Variants in AP2A1 observed in about 807,000 individuals in gnomAD.
The protein encoded by AP2A1 is adaptor related protein complex 2 subunit alpha 1.
Under a neutral mutation model 107.3 loss-of-function variants are expected in AP2A1, and 21 were observed. That is an observed-to-expected ratio of 0.20 (90% CI 0.14 to 0.28). The LOEUF (loss-of-function observed/expected upper bound fraction) is 0.28, where lower values mean the gene tolerates loss of function less well. AP2A1 is among the 10% of genes least tolerant of loss of function. AP2A1 has a pLI of 1.00. For synonymous variants in AP2A1, 602 were observed against 564.8 expected (o/e 1.07, Z -0.93); for missense variants, 873 against 1,307.7 (o/e 0.67, Z 5.13).
intron 15 of AP2A1, chr19:49,802,351 T>G (rs1600243804): frequency 2.3e-6 from 2 of 853,602 alleles, no homozygotes; most frequent in Non-Finnish European, 3.8e-6. Context: ...CCGCCGACCC[T>G]GGCCACCCTT....
At chr19:49,778,603 TG>T (rs1234721594) in intron 1 of AP2A1, among the ~76,000 whole-genome samples, 1 of 152,008 alleles carries the variant, frequency 6.6e-6, no homozygotes. Context: ...CAAAAAAACC[TG>T]CACAGCATGG....
At chr19:49,779,949 G>A (rs950943465) in intron 1 of AP2A1, among the ~76,000 whole-genome samples, 8 of 152,228 alleles carry the variant, frequency 5.3e-5, no homozygotes, top group African/African-American at 1.9e-4. Context: ...CTGAAGTGAG[G>A]CTTATGGGAG....
In AP2A1 at chr19:49,806,241, T is replaced by C. The variant is rs374194808; in HGVS notation, c.2778T>C (p.Asn926=). ...GCTGTCTGCTTCGGCTGGAGCCCAA[T>C]GCCCAGGCCCAGGTGAGTGCTGCTG... The part of the protein sequence containing the change: ...QVGCLLRLEP[N]AQAQMYRLTL... The change falls in exon 22 of 23, where the codon AAT becomes AAC. Residue 926 remains asparagine, a synonymous_variant. Transcript: ENST00000354293. 47 of 1,607,286 alleles carry C rather than the reference T, an allele frequency of 2.9e-5. 1 individual carries two copies. In the African/African-American group the frequency reaches 6.1e-4, roughly 21 times the overall value.
intron 7 of AP2A1, among the ~76,000 whole-genome samples, chr19:49,798,502 A>C (rs1374778700): frequency 6.6e-6 from 1 of 152,208 alleles, no homozygotes; most frequent in Non-Finnish European, 1.5e-5. Context: ...TCAGAGCTGC[A>C]GATGAGGAAA....
rs750291274 is a variant in AP2A1, at chr19:49,795,698, G to A, written c.774G>A (p.Ser258=). ...TYYFVPAPWL[S]VKLLRLLQCY... ...ACTTCGTCCCAGCACCCTGGCTCTCGGTGAAGCTCCTGCGGCTGCTGCAGT... is the reference window on the plus strand; with the variant it reads ...ACTTCGTCCCAGCACCCTGGCTCTCAGTGAAGCTCCTGCGGCTGCTGCAGT... The change falls in exon 7 of 23, where the codon TCG becomes TCA. Residue 258 remains serine (S), a synonymous_variant. Coordinates refer to ENST00000354293, the MANE Select transcript of AP2A1 (RefSeq NM_130787.3). 106 of 1,567,160 alleles carry A rather than the reference G, an allele frequency of 6.8e-5. No individual in the cohort carries two copies. The highest frequency in any genetic ancestry group is 3.3e-4 in the Middle Eastern group (2 of 6,042).
At chr19:49,806,049 G>T in intron 21 of AP2A1, 70 bp from the exon 22 acceptor site, 1 of 1,604,022 alleles carries the variant, frequency 6.2e-7, no homozygotes. Context: ...GGGTTTTTTG[G>T]GATCTGGGAT....
chr19:49,769,862 A>C (rs369057607), intron 1 of AP2A1, among the ~76,000 whole-genome samples: 4 of 151,964 alleles, frequency 2.6e-5, no homozygotes, highest in African/African-American at 9.7e-5. Flanking sequence ...GGGACTGGTG[A>C]GAAATGGGTT....
At chr19:49,806,405 A>G (rs2073385180) in intron 22 of AP2A1, 152 bp downstream of exon 22, 5 of 1,435,648 alleles carry the variant, frequency 3.5e-6, no homozygotes, top group South Asian at 1.5e-5. Flanking sequence ...CTCTTTATCT[A>G]TCAGTTTAAT....
At position 49,792,005 on chromosome 19, in the gene AP2A1, C is replaced by T. The variant is rs2073148932; in HGVS notation, c.544C>T (p.Leu182=). The T allele has an allele frequency of 6.2e-7, 1 of 1,612,906 alleles. No homozygotes were observed. The highest frequency in any genetic ancestry group is 1.3e-5 in the African/African-American group (1 of 74,822). Residue 182 remains leucine (L), a synonymous_variant, in exon 5 of 23, where the codon CTG becomes TTG. Coordinates refer to ENST00000354293, the MANE Select transcript of AP2A1 (RefSeq NM_130787.3). ...TCGACTGTACAAGGCCTCGCCTGAC[C>T]TGGTGCCCATGGGCGAGTGGACGGC... ...LLRLYKASPD[L]VPMGEWTARV...
chr19:49,806,084 C>G, intron 21 of AP2A1, 35 bp from the exon 22 acceptor site: 1 of 1,584,420 alleles, frequency 6.3e-7, no homozygotes, highest in Non-Finnish European at 8.6e-7. Context: ...ACTAACAGCT[C>G]TGGCACACTC....
chr19:49,769,510 A>G (rs890657123), intron 1 of AP2A1, among the ~76,000 whole-genome samples: 1 of 152,118 alleles, frequency 6.6e-6, no homozygotes, highest in African/African-American at 2.4e-5. Context: ...AGGGAGGTGC[A>G]TTCAGAGGTC....
rs185433793 is a variant in AP2A1, at chr19:49,792,448, G to A, written c.603+384G>A. Among the ~76,000 whole-genome samples, 219 of 151,450 alleles carry A rather than the reference G, an allele frequency of 1.4e-3. 1 individual carries two copies. The highest frequency in any genetic ancestry group is 5.2e-3 in the African/African-American group (213 of 41,186). On this transcript the variant is annotated intron_variant, in intron 5 of 22. Coordinates refer to ENST00000354293, the MANE Select transcript of AP2A1 (RefSeq NM_130787.3). ...CCTGGATTCCTGGAGCTTCCCCCTC[G>A]GCGCTGACGTTCACCAGACACCAGA...
At chr19:49,782,269 G>A (rs1455693467) in intron 3 of AP2A1, among the ~76,000 whole-genome samples, 180 bp downstream of exon 3, 1 of 150,602 alleles carries the variant, frequency 6.6e-6, no homozygotes, top group Non-Finnish European at 1.5e-5. Context: ...GGGGCTGGGG[G>A]TCTGGACTCC....
At chr19:49,795,760 C>A in intron 7 of AP2A1, 22 bp downstream of exon 7, 1 of 1,512,424 alleles carries the variant, frequency 6.6e-7, no homozygotes, top group South Asian at 1.2e-5. Flanking sequence ...CGTGCACTCC[C>A]CAACCCGGGG....
At chr19:49,777,037 T>C (rs896939235) in intron 1 of AP2A1, among the ~76,000 whole-genome samples, 1 of 149,116 alleles carries the variant, frequency 6.7e-6, no homozygotes, top group African/African-American at 2.5e-5. Flanking sequence ...AAAACCAGTC[T>C]GGTCAACATG....
At chr19:49,804,356 A>G (rs901449242) in intron 18 of AP2A1, 3 of 152,148 alleles carry the variant, frequency 2.0e-5, no homozygotes, top group Non-Finnish European at 2.9e-5. Flanking sequence ...TCTGGCTAAC[A>G]TGGTGAAACC....
At chr19:49,775,050 C>G (rs1439584849) in intron 1 of AP2A1, among the ~76,000 whole-genome samples, 1 of 151,906 alleles carries the variant, frequency 6.6e-6, no homozygotes, top group Admixed American at 6.6e-5. Flanking sequence ...AAGATCCTGT[C>G]TCTCCCCACC....
At chr19:49,797,556 C>T (rs2073227475) in intron 7 of AP2A1, 1 of 152,088 alleles carries the variant, frequency 6.6e-6, no homozygotes, top group South Asian at 2.1e-4. Context: ...AAAACCCCAT[C>T]TCTACAAAAA....
chr19:49,775,057 C>T (rs1327278077), intron 1 of AP2A1, among the ~76,000 whole-genome samples: 1 of 151,970 alleles, frequency 6.6e-6, no homozygotes, highest in Non-Finnish European at 1.5e-5. Context: ...TGTCTCTCCC[C>T]ACCACAAAAA....
Sources: gnomAD v4.1 joint callset for allele counts (sites outside exome capture counted in the v4.1 genomes callset) on GRCh38, gnomAD v4.1.1 for gene constraint, MANE v1.5 for transcripts, NCBI Gene and HGNC (gene_info 2026-07-23, HGNC 2026-07-21) for gene names.